The following ROR1 variants were observed in gnomAD, a reference collection of about 807,000 sequenced individuals.
ROR1 encodes ROR family WNT receptor 1, also known as inactive tyrosine-protein kinase transmembrane receptor ROR1.
ROR1 carries 19 observed loss-of-function variants against 78.8 expected under a neutral mutation model. The observed-to-expected ratio is 0.24, with a 90% CI of 0.17 to 0.35. The LOEUF is 0.35. ROR1 is among the 10% of genes least tolerant of loss of function. The pLI is 1.00. For synonymous variants in ROR1, 386 were observed against 433.6 expected (o/e 0.89, Z 1.36); for missense variants, 917 against 1,177.8 (o/e 0.78, Z 3.24).
rs71056023 is a variant in ROR1, at chr1:64,121,260, TC to T, written c.483-16107del. Among the ~76,000 whole-genome samples, 333 of 142,292 alleles carry T rather than the reference TC, an allele frequency of 2.3e-3. 2 individuals are homozygous for T. Among genetic ancestry groups the T allele is most frequent in the African/African-American group, 3.7e-3 (141 of 37,636 alleles). 93.3% of individuals were successfully genotyped at this position (142,292 alleles called of 152,430 possible). The stretch of plus-strand genomic sequence containing the variant: ...TTCCTTCCTTCCTTCCTTCCTTCCA[TC>T]CTCCTGTTTCTTTATTTTGGTAAGG... On this transcript the variant is annotated intron_variant, in intron 4 of 8. Transcript: ENST00000371079.
intron 1 of ROR1, among the ~76,000 whole-genome samples, chr1:63,868,964 C>A (rs1223796400): frequency 6.6e-6 from 1 of 152,192 alleles, no homozygotes; most frequent in Non-Finnish European, 1.5e-5. Context: ...GCATGAATCC[C>A]AGTGCCAACA....
At chr1:63,789,511 G>T (rs2100235183) in intron 1 of ROR1, among the ~76,000 whole-genome samples, 1 of 152,222 alleles carries the variant, frequency 6.6e-6, no homozygotes, top group South Asian at 2.1e-4. Flanking sequence ...AGGGACAGAG[G>T]AAGAGACTTA....
At chr1:63,981,834 A>G (rs1195752904) in intron 1 of ROR1, among the ~76,000 whole-genome samples, 1 of 152,058 alleles carries the variant, frequency 6.6e-6, no homozygotes, top group Non-Finnish European at 1.5e-5. Flanking sequence ...GATACTCTTC[A>G]AAGTCCATCC....
chr1:64,072,425 G>T (rs1647011833), intron 4 of ROR1, among the ~76,000 whole-genome samples: 1 of 152,170 alleles, frequency 6.6e-6, no homozygotes, highest in Non-Finnish European at 1.5e-5. Flanking sequence ...GTAGGGGCTT[G>T]ACGGTGGAAT....
At chr1:63,943,134 C>G (rs1305005605) in intron 1 of ROR1, among the ~76,000 whole-genome samples, 1 of 150,794 alleles carries the variant, frequency 6.6e-6, no homozygotes, top group Non-Finnish European at 1.5e-5. Flanking sequence ...GTGCAGCAGC[C>G]ATGCCTATGA....
intron 1 of ROR1, among the ~76,000 whole-genome samples, chr1:63,806,911 T>G (rs538074650): frequency 1.3e-5 from 2 of 152,350 alleles, no homozygotes; most frequent in African/African-American, 4.8e-5. Flanking sequence ...CTAATAAAAT[T>G]ACAATAACAA....
chr1:63,840,622 A>G (rs1476625175), intron 1 of ROR1, among the ~76,000 whole-genome samples: 1 of 152,098 alleles, frequency 6.6e-6, no homozygotes, highest in Admixed American at 6.5e-5. Flanking sequence ...TTCTGAGTAA[A>G]TAGTATTTGT....
At chr1:63,973,696 A>G (rs1646136204) in intron 1 of ROR1, among the ~76,000 whole-genome samples, 1 of 152,168 alleles carries the variant, frequency 6.6e-6, no homozygotes, top group African/African-American at 2.4e-5. Context: ...AAAAAAACCC[A>G]ATCCCTGAAC....
intron 2 of ROR1, among the ~76,000 whole-genome samples, chr1:64,016,923 T>A (rs1025493656): frequency 1.7e-4 from 26 of 152,058 alleles, no homozygotes; most frequent in Admixed American, 6.6e-4. Context: ...GATTATTATT[T>A]TTTTTTTCTT....
intron 2 of ROR1, among the ~76,000 whole-genome samples, chr1:64,037,632 C>T (rs115597367): frequency 6.6e-6 from 1 of 152,242 alleles, no homozygotes; most frequent in African/African-American, 2.4e-5. Flanking sequence ...TTTTAGTTGT[C>T]ACCATGATGA....
intron 1 of ROR1, among the ~76,000 whole-genome samples, chr1:63,808,033 C>T (rs936379371): frequency 2.0e-5 from 3 of 152,130 alleles, no homozygotes; most frequent in African/African-American, 4.8e-5. Flanking sequence ...CCCTCTCCTT[C>T]TCTCTTTCTT....
chr1:63,998,365 A>G (rs570551381), intron 1 of ROR1, among the ~76,000 whole-genome samples: 15 of 151,878 alleles, frequency 9.9e-5, no homozygotes, highest in African/African-American at 3.1e-4. Context: ...ATTAAATTAC[A>G]TGGTTGTTTT....
chr1:63,977,332 G>A (rs1173375634), intron 1 of ROR1, among the ~76,000 whole-genome samples: 1 of 152,162 alleles, frequency 6.6e-6, no homozygotes, highest in African/African-American at 2.4e-5. Flanking sequence ...AATTTTGACT[G>A]CATTTTGACT....
intron 4 of ROR1, chr1:64,106,618 T>C (rs1378931463): frequency 1.3e-5 from 2 of 152,168 alleles, no homozygotes; most frequent in Non-Finnish European, 2.9e-5. Context: ...CTCTTTTATT[T>C]TGAGATATGT....
chr1:63,948,828 G>A (rs72912830), intron 1 of ROR1, among the ~76,000 whole-genome samples: 4,420 of 152,192 alleles, frequency 0.029, 226 homozygotes, highest in African/African-American at 0.1. Flanking sequence ...ACCAGGAAGC[G>A]AGGCCTTACT....
chr1:64,009,328 G>A lies in ROR1; in HGVS notation c.115G>A (p.Glu39Lys). The A allele has an allele frequency of 1.2e-6, 2 of 1,613,678 alleles. No homozygotes were observed. The highest frequency in any genetic ancestry group is 2.2e-5 in the South Asian group (2 of 91,070). ...AQETELSVSAELVPTSSWNIS... is the reference protein window; with the variant it reads ...AQETELSVSAKLVPTSSWNIS... ...AGAAACAGAGCTGTCAGTCAGTGCT[G>A]AATTAGTGCCTACCTCATCATGGAA... Residue 39 changes from glutamate (E) to lysine (K), a missense_variant, in exon 2 of 9, where the codon GAA becomes AAA. Coordinates refer to ENST00000371079, the MANE Select transcript of ROR1 (RefSeq NM_005012.4).
At chr1:63,777,769 C>T (rs893130527) in intron 1 of ROR1, among the ~76,000 whole-genome samples, 1 of 152,170 alleles carries the variant, frequency 6.6e-6, no homozygotes, top group Non-Finnish European at 1.5e-5. Context: ...AAATTTTACA[C>T]AGCATCCTAT....
intron 1 of ROR1, among the ~76,000 whole-genome samples, chr1:63,830,887 A>C (rs1005716879): frequency 1.3e-5 from 2 of 152,220 alleles, no homozygotes; most frequent in Non-Finnish European, 2.9e-5. Context: ...GGGATACAGG[A>C]ATTTGGTAAA....
At chr1:63,946,705 A>G (rs1273178014) in intron 1 of ROR1, among the ~76,000 whole-genome samples, 1 of 152,168 alleles carries the variant, frequency 6.6e-6, no homozygotes, top group African/African-American at 2.4e-5. Flanking sequence ...AGGTATTTAG[A>G]TTCTAAATCA....
Sources: allele counts gnomAD v4.1 joint callset (sites outside exome capture counted in the v4.1 genomes callset), GRCh38; gene constraint gnomAD v4.1.1; transcripts MANE v1.5; gene names NCBI Gene and HGNC (gene_info 2026-07-23, HGNC 2026-07-21).